The following PDZD9 variants were observed in gnomAD, a reference collection of about 807,000 sequenced individuals.
PDZD9 encodes the protein PDZ domain-containing protein 9.
In PDZD9, 13 loss-of-function variants were observed where a neutral mutation model predicts 16.3. The ratio of observed to expected loss-of-function variants is 0.80; its 90% CI spans 0.52 to 1.27. PDZD9 has a LOEUF of 1.27. PDZD9 is among the 50% of genes most tolerant of loss of function. The pLI is 0.00. For synonymous variants in PDZD9, 120 were observed against 111.0 expected (o/e 1.08, Z -0.51); for missense variants, 288 against 310.9 (o/e 0.93, Z 0.55).
intron 1 of PDZD9, among the ~76,000 whole-genome samples, chr16:21,999,834 C>T (rs1320318359): frequency 2.0e-5 from 3 of 152,176 alleles, no homozygotes; most frequent in South Asian, 2.1e-4. Flanking sequence ...GTCAGGAGTT[C>T]GAGACCAGCC....
chr16:21,986,100 C>G (rs1405935150), intron 3 of PDZD9, among the ~76,000 whole-genome samples: 1 of 152,176 alleles, frequency 6.6e-6, no homozygotes, highest in Non-Finnish European at 1.5e-5. Context: ...AACAAACTTT[C>G]TATACCACTT....
chr16:21,960,820 A>T, the PDZD9 span, among the ~76,000 whole-genome samples: 2 of 151,874 alleles, frequency 1.3e-5, no homozygotes, highest in African/African-American at 4.8e-5. Flanking sequence ...CAGAAACAGC[A>T]TTTCTTTTTT....
chr16:21,991,524 C>T (rs796837861), intron 2 of PDZD9, among the ~76,000 whole-genome samples: 27 of 152,268 alleles, frequency 1.8e-4, no homozygotes, highest in African/African-American at 5.8e-4. Flanking sequence ...TGTGTGCTAT[C>T]GCACCCGGCC....
the PDZD9 span, among the ~76,000 whole-genome samples, chr16:21,972,720 A>G: frequency 1.3e-5 from 2 of 152,138 alleles, no homozygotes; most frequent in Admixed American, 6.5e-5. Context: ...TCCTAATCCA[A>G]TGAAGTAATT....
At position 21,984,388 on chromosome 16, in the gene PDZD9, A is replaced by AT; in HGVS notation, c.673dup (p.Met225AsnfsTer7). 6.2e-7 allele frequency: 1 copy of AT among 1,614,160 alleles called. No homozygotes were observed. On this transcript the variant is annotated frameshift_variant, in exon 4 of 4. Transcript: ENST00000424898. LOFTEE classifies it low-confidence loss of function (END_TRUNC). Reference sequence around the variant, plus strand: ...AGAGCTTTCATTGTCTTGCTTCACCATTATCCAGTATGGAGAAGGGGCCCT... The same window carrying AT: ...AGAGCTTTCATTGTCTTGCTTCACCATTTATCCAGTATGGAGAAGGGGCCCT...
chr16:21,984,174 CAG>C lies in PDZD9; in HGVS notation c.*91_*92del. ...TAAGAGAAGAGAATTGGTGAGTCTA[CAG>C]ACAGTCCTTGATAAGTACAGCAAAC... On this transcript the variant is annotated 3_prime_UTR_variant, in exon 4 of 4. Coordinates refer to ENST00000424898, the MANE Select transcript of PDZD9 (RefSeq NM_001363519.1). 1 of 1,380,586 alleles carries C rather than the reference CAG, an allele frequency of 7.2e-7. No individual in the cohort carries two copies. The highest frequency in any genetic ancestry group is 9.9e-7 in the Non-Finnish European group (1 of 1,008,472). 85.5% of individuals were successfully genotyped at this position (1,380,586 alleles called of 1,614,324 possible).
At position 21,984,261 on chromosome 16, in the gene PDZD9, G is replaced by A. The variant is rs377704991; in HGVS notation, c.*6C>T. 4.4e-4 allele frequency: 703 copies of A among 1,602,586 alleles called. 3 individuals carry two copies. The highest frequency in any genetic ancestry group is 3.8e-3 in the Middle Eastern group (23 of 5,992). On this transcript the variant is annotated 3_prime_UTR_variant, in exon 4 of 4. Transcript: ENST00000424898. ...CAAGATAAATGCTCATATGACCACA[G>A]ATTTGCTAACCAACCTTTGATACCA...
chr16:21,975,236 C>T, the PDZD9 span, among the ~76,000 whole-genome samples: 3 of 152,166 alleles, frequency 2.0e-5, no homozygotes, highest in South Asian at 2.1e-4. Flanking sequence ...GGGATCTAGG[C>T]TCAATAGAGA....
At chr16:21,995,093 G>C in intron 2 of PDZD9, 1 of 393,188 alleles carries the variant, frequency 2.5e-6, no homozygotes, top group South Asian at 1.9e-5. Context: ...AGGGGCCTGG[G>C]GGGAGGTGAC....
the PDZD9 span, chr16:21,976,048 G>T: frequency 1.5e-6 from 1 of 655,312 alleles, no homozygotes; most frequent in Middle Eastern, 2.5e-4. Flanking sequence ...CATGGACACT[G>T]TGCTGTTTGT....
At chr16:21,962,765 A>G in the PDZD9 span, 1 of 1,614,108 alleles carries the variant, frequency 6.2e-7, no homozygotes, top group Non-Finnish European at 8.5e-7. Flanking sequence ...CTGTAGTGAT[A>G]TTCTAATGGA....
chr16:21,983,309 T>C, downstream of PDZD9: 2 of 685,064 alleles, frequency 2.9e-6, no homozygotes, highest in Non-Finnish European at 4.8e-6. Flanking sequence ...CAGGTAATTA[T>C]TCCCAGCTGA....
the PDZD9 span, among the ~76,000 whole-genome samples, chr16:21,969,620 G>GT: frequency 6.6e-6 from 1 of 152,156 alleles, no homozygotes; most frequent in Non-Finnish European, 1.5e-5. Context: ...AGTTTACAAA[G>GT]TAGTTGCATG....
At chr16:21,962,084 C>T in the PDZD9 span, 4 of 182,154 alleles carry the variant, frequency 2.2e-5, no homozygotes, top group Non-Finnish European at 4.6e-5. Context: ...CTCATTCTCC[C>T]CTCCCCTCAG....
At chr16:21,971,861 A>C in the PDZD9 span, 1 of 1,602,928 alleles carries the variant, frequency 6.2e-7, no homozygotes, top group South Asian at 1.1e-5. Context: ...GAAATACTGG[A>C]GAATGAAACC....
At chr16:21,989,726 C>T (rs968370295) in intron 2 of PDZD9, among the ~76,000 whole-genome samples, 6 of 152,166 alleles carry the variant, frequency 3.9e-5, no homozygotes, top group African/African-American at 1.4e-4. Flanking sequence ...GTTTCCCTAC[C>T]TTAGGGCAAC....
At chr16:21,969,363 G>A in the PDZD9 span, among the ~76,000 whole-genome samples, 2 of 152,004 alleles carry the variant, frequency 1.3e-5, no homozygotes, top group African/African-American at 2.4e-5. Context: ...GCGAAACCCC[G>A]TCTCTACTAA....
chr16:21,986,891 G>A (rs1377231363), intron 3 of PDZD9, among the ~76,000 whole-genome samples: 1 of 152,190 alleles, frequency 6.6e-6, no homozygotes, highest in Non-Finnish European at 1.5e-5. Flanking sequence ...GTTGCACACA[G>A]AGAAGAGCAA....
At chr16:21,971,579 G>A in the PDZD9 span, 1 of 1,614,152 alleles carries the variant, frequency 6.2e-7, no homozygotes, top group Non-Finnish European at 8.5e-7. Flanking sequence ...AACATGAGGG[G>A]TGGGCTTGGT....
Sources: allele counts gnomAD v4.1 joint callset (sites outside exome capture counted in the v4.1 genomes callset), GRCh38; gene constraint gnomAD v4.1.1; transcripts MANE v1.5; gene names NCBI Gene and HGNC (gene_info 2026-07-23, HGNC 2026-07-21).